Variants in ATAD5 observed in about 807,000 individuals in gnomAD.
ATAD5 encodes ATPase family AAA domain containing 5.
In ATAD5, 58 loss-of-function variants were observed where a neutral mutation model predicts 176.9. That is an observed-to-expected ratio of 0.33 (90% CI 0.27 to 0.41). ATAD5 has a LOEUF of 0.41. Among genes scored for constraint, ATAD5 ranks in the 10% least tolerant of loss-of-function variants. ATAD5 has a pLI of 1.00. For missense variants in ATAD5, 1,789 were observed against 2,094.1 expected (o/e 0.85, Z 2.84); for synonymous variants, 640 against 712.6 (o/e 0.90, Z 1.62).
intron 19 of ATAD5, among the ~76,000 whole-genome samples, chr17:30,889,682 CATGGTTCCTTGCCTG>C (rs1909517272): frequency 6.6e-6 from 1 of 151,730 alleles, no homozygotes. Context: ...ATGGTTAAGA[CATGGTTCCTTGCCTG>C]AAGAAGTTTT....
At chr17:30,881,932 T>C (rs1909044051) in intron 18 of ATAD5, among the ~76,000 whole-genome samples, 1 of 150,550 alleles carries the variant, frequency 6.6e-6, no homozygotes, top group Non-Finnish European at 1.5e-5. Flanking sequence ...AAAATAATTG[T>C]TTCTTTTAAA....
intron 6 of ATAD5, among the ~76,000 whole-genome samples, chr17:30,853,998 C>T (rs1907136726): frequency 6.6e-6 from 1 of 151,182 alleles, no homozygotes. Flanking sequence ...CCCCTGTTAA[C>T]ATTTTGGTGG....
chr17:30,844,545 GT>G (rs1292858495), intron 5 of ATAD5, among the ~76,000 whole-genome samples: 1 of 121,654 alleles, frequency 8.2e-6, no homozygotes, highest in Non-Finnish European at 1.6e-5. Context: ...ATAGTGAAGA[GT>G]TTTTCTTTTT....
intron 12 of ATAD5, among the ~76,000 whole-genome samples, 188 bp downstream of exon 12, chr17:30,868,600 C>T (rs1474552062): frequency 1.1e-4 from 17 of 150,016 alleles, no homozygotes; most frequent in African/African-American, 3.9e-4. Context: ...CTCCGCCTCC[C>T]GGGTCAAGTG....
At chr17:30,865,937 A>G in intron 11 of ATAD5, 137 bp downstream of exon 11, 1 of 516,230 alleles carries the variant, frequency 1.9e-6, no homozygotes. Context: ...AGTGAAAAGT[A>G]GCCCTCTTTT....
chr17:30,835,926 C>T lies in ATAD5; in HGVS notation c.1845C>T (p.Asp615=), dbSNP rs377200900. ...TTETIRGIDS[D]DVQDNSQLKA... The stretch of plus-strand genomic sequence containing the variant: ...AAACCATTAGAGGTATTGATTCTGA[C>T]GATGTACAAGATAATAGTCAACTAA... The change falls in exon 2 of 23, where the codon GAC becomes GAT. Residue 615 remains aspartate, a synonymous_variant. Coordinates refer to ENST00000321990, the MANE Select transcript of ATAD5 (RefSeq NM_024857.5). 5.6e-6 allele frequency: 9 copies of T among 1,613,934 alleles called. No individual in the cohort carries two copies. In the African/African-American group the frequency reaches 6.7e-5, roughly 12 times the overall value.
rs1223361703 is a variant in ATAD5, at chr17:30,840,689, A to T, written c.2149A>T (p.Arg717Trp). The part of the protein sequence containing the change: ...IEKAKALHIS[R>W]SKVTEEIAIP... ...AAAAGCAAAAGCTTTACACATCAGTAGGTCAAAGGTGACTGAAGAAATAGC... is the reference window on the plus strand; with the variant it reads ...AAAAGCAAAAGCTTTACACATCAGTTGGTCAAAGGTGACTGAAGAAATAGC... Residue 717 changes from arginine to tryptophan, a missense_variant, in exon 4 of 23, where the codon AGG becomes TGG. Physicochemically the swap from Arg to Trp is moderately radical, Grantham distance 101 (BLOSUM62 -3). Coordinates refer to ENST00000321990, the MANE Select transcript of ATAD5 (RefSeq NM_024857.5). 54 of 1,605,698 alleles carry T rather than the reference A, an allele frequency of 3.4e-5. No individual in the cohort carries two copies. The highest frequency in any genetic ancestry group is 4.5e-5 in the Non-Finnish European group (53 of 1,176,454).
At chr17:30,884,424 C>CTTTTTTTT (rs61664127) in intron 18 of ATAD5, among the ~76,000 whole-genome samples, 61 of 80,926 alleles carry the variant, frequency 7.5e-4, no homozygotes, top group East Asian at 9.1e-4. Flanking sequence ...CTTTTCTTTT[C>CTTTTTTTT]TTTTTTTTTT....
chr17:30,867,399 G>C (rs540190653), intron 11 of ATAD5, among the ~76,000 whole-genome samples: 1 of 152,018 alleles, frequency 6.6e-6, no homozygotes, highest in Non-Finnish European at 1.5e-5. Context: ...CTCAAAAAAA[G>C]AAAAATACTA....
chr17:30,836,268 T>TC (rs752030466), intron 2 of ATAD5, among the ~76,000 whole-genome samples: 1 of 151,520 alleles, frequency 6.6e-6, no homozygotes, highest in Non-Finnish European at 1.5e-5. Flanking sequence ...AACCTCCACC[T>TC]CCCAGGTTCA....
intron 9 of ATAD5, 103 bp downstream of exon 9, chr17:30,858,426 C>A: frequency 1.1e-6 from 1 of 909,856 alleles, no homozygotes; most frequent in Non-Finnish European, 1.4e-6. Context: ...GCTCTTGTCG[C>A]CCTGGCTGGA....
At chr17:30,868,509 A>ATTTT (rs745465090) in intron 12 of ATAD5, 97 bp downstream of exon 12, 2,600 of 485,808 alleles carry the variant, frequency 5.4e-3, no homozygotes, top group South Asian at 0.014. Flanking sequence ...TTTTTTTTTA[A>ATTTT]TTTTTTTTTT....
At chr17:30,853,885 G>T (rs1334750936) in intron 6 of ATAD5, among the ~76,000 whole-genome samples, 1 of 150,886 alleles carries the variant, frequency 6.6e-6, no homozygotes, top group African/African-American at 2.4e-5. Flanking sequence ...AGAAGTTCTT[G>T]TATTAACTTT....
chr17:30,890,746 C>A (rs950437299), intron 19 of ATAD5, among the ~76,000 whole-genome samples: 11 of 151,498 alleles, frequency 7.3e-5, no homozygotes, highest in Non-Finnish European at 1.3e-4. Context: ...TCTTAAAAAT[C>A]TTTTTTTATA....
chr17:30,878,722 T>TTTG lies in ATAD5; in HGVS notation c.4012+628_4012+629insGTT, dbSNP rs1567696499. On this transcript the variant is annotated intron_variant, in intron 17 of 22. Transcript: ENST00000321990. ...ATTAATCAGAAGTTAGGTGGTGTTT[T>TTTG]TTTTTTTTTTTTTTTTTTTTTTTTT... is the stretch of plus-strand genomic sequence containing the variant. Among the ~76,000 whole-genome samples the TTTG allele has an allele frequency of 5.1e-5, 4 of 77,750 alleles. 1 individual carries two copies. The highest frequency in any genetic ancestry group is 3.0e-4 in the African/African-American group (4 of 13,546). 51.0% of individuals were successfully genotyped at this position (77,750 alleles called of 152,430 possible).
chr17:30,837,816 C>T (rs1390663124), intron 3 of ATAD5, among the ~76,000 whole-genome samples: 1 of 152,204 alleles, frequency 6.6e-6, no homozygotes, highest in Admixed American at 6.5e-5. Flanking sequence ...AAGGCCCTAC[C>T]TCCTAATACC....
intron 19 of ATAD5, among the ~76,000 whole-genome samples, chr17:30,890,369 T>C (rs1450034945): frequency 6.6e-6 from 1 of 151,552 alleles, no homozygotes; most frequent in East Asian, 1.9e-4. Flanking sequence ...CAAGAAACTT[T>C]AGAAGACACA....
intron 1 of ATAD5, among the ~76,000 whole-genome samples, chr17:30,832,824 G>C (rs913997089): frequency 2.0e-5 from 3 of 152,180 alleles, no homozygotes; most frequent in Non-Finnish European, 2.9e-5. Context: ...ATCCACCTGT[G>C]CTTGGAATGC....
chr17:30,892,928 C>A, intron 20 of ATAD5, 140 bp downstream of exon 20: 1 of 714,440 alleles, frequency 1.4e-6, no homozygotes, highest in Non-Finnish European at 2.1e-6. Flanking sequence ...GATTTTAACA[C>A]ATCCTACCAC....
Sources: gnomAD v4.1 joint callset for allele counts (sites outside exome capture counted in the v4.1 genomes callset) on GRCh38, gnomAD v4.1.1 for gene constraint, MANE v1.5 for transcripts, NCBI Gene and HGNC (gene_info 2026-07-23, HGNC 2026-07-21) for gene names.